WDR19: variants seen among roughly 807,000 people sequenced by gnomAD.
The protein encoded by WDR19 is WD repeat domain 19.
In WDR19, 121 loss-of-function variants were observed where a neutral mutation model predicts 180.0. The ratio of observed to expected loss-of-function variants is 0.67; its 90% CI spans 0.58 to 0.78. The LOEUF (loss-of-function observed/expected upper bound fraction) is 0.78. Ranked by LOEUF, WDR19 falls within the 30% of genes least tolerant of loss-of-function variation. The probability of loss-of-function intolerance (pLI) is 0.00; values close to 1 mark genes in which losing one functional copy is unlikely to be tolerated. For missense variants in WDR19, 1,450 were observed against 1,640.7 expected (o/e 0.88, Z 2.01); for synonymous variants, 497 against 540.7 (o/e 0.92, Z 1.12).
intron 5 of WDR19, among the ~76,000 whole-genome samples, chr4:39,197,705 C>T (rs1194554754): frequency 6.6e-6 from 1 of 152,084 alleles, no homozygotes; most frequent in Admixed American, 6.6e-5. Context: ...AATGAAAAAG[C>T]TTCCCAATAG....
chr4:39,209,030 A>G (rs1728234159), intron 9 of WDR19, among the ~76,000 whole-genome samples: 1 of 152,172 alleles, frequency 6.6e-6, no homozygotes, highest in African/African-American at 2.4e-5. Context: ...AACCTAATAG[A>G]ACACTGCACC....
At chr4:39,247,467 C>T (rs1732653297) in intron 24 of WDR19, among the ~76,000 whole-genome samples, 1 of 152,176 alleles carries the variant, frequency 6.6e-6, no homozygotes, top group Admixed American at 6.5e-5. Flanking sequence ...TCCAAAGGAA[C>T]GCAGCTCCTC....
Position 39,257,492 on chromosome 4 carries a change from A to T in WDR19, c.3121A>T (p.Lys1041Ter). Residue 1041 changes from lysine to a stop codon, truncating the protein, a stop_gained, in exon 28 of 37, where the codon AAA becomes TAA. Coordinates refer to ENST00000399820, the MANE Select transcript of WDR19 (RefSeq NM_025132.4). LOFTEE classifies it high-confidence loss of function. ...LLCGQYSRAL[K>*]HFLKCPSSED... ...GCTGTAATTCGCTTTTCAGGCACTT[A>T]AACACTTCCTGAAATGCCCAAGCTC... 6.3e-7 allele frequency: 1 copy of T among 1,581,568 alleles called. No individual in the cohort carries two copies. The highest frequency in any genetic ancestry group is 8.6e-7 in the Non-Finnish European group (1 of 1,162,532).
At chr4:39,265,412 G>A (rs188063689) in intron 28 of WDR19, among the ~76,000 whole-genome samples, 78 of 152,116 alleles carry the variant, frequency 5.1e-4, no homozygotes, top group Non-Finnish European at 9.0e-4. Context: ...GAATGATACC[G>A]TTGTGTCAGT....
chr4:39,211,372 CAGATT>C (rs1392019916), intron 9 of WDR19, among the ~76,000 whole-genome samples: 2 of 152,128 alleles, frequency 1.3e-5, no homozygotes, highest in Admixed American at 1.3e-4. Flanking sequence ...ACACGGCACT[CAGATT>C]AGAAAGGAAG....
chr4:39,209,672 A>G (rs1328436659), intron 9 of WDR19, among the ~76,000 whole-genome samples: 1 of 145,734 alleles, frequency 6.9e-6, no homozygotes, highest in East Asian at 2.1e-4. Flanking sequence ...AGTTCGCACC[A>G]TTGCACTCCA....
intron 33 of WDR19, chr4:39,275,362 G>A (rs1298316520): frequency 7.3e-6 from 2 of 272,912 alleles, no homozygotes; most frequent in African/African-American, 2.2e-5. Context: ...AAAAAGATGG[G>A]CATATCAATT....
At chr4:39,284,358 A>G (rs1215358518) in intron 36 of WDR19, among the ~76,000 whole-genome samples, 2 of 53,488 alleles carry the variant, frequency 3.7e-5, no homozygotes, top group Admixed American at 2.7e-4. Flanking sequence ...TTTTTTTTTG[A>G]GACAGGATCT....
At chr4:39,284,287 C>G (rs1278145981) in intron 36 of WDR19, among the ~76,000 whole-genome samples, 2 of 145,582 alleles carry the variant, frequency 1.4e-5, no homozygotes, top group East Asian at 4.0e-4. Context: ...TAGTTTTGAT[C>G]TATATTCTAG....
intron 36 of WDR19, among the ~76,000 whole-genome samples, chr4:39,279,945 C>A (rs1400304998): frequency 1.3e-5 from 2 of 151,948 alleles, no homozygotes; most frequent in Admixed American, 1.3e-4. Flanking sequence ...TCATGCGATT[C>A]GCCGGCCTCA....
In WDR19 at chr4:39,231,915, A is replaced by G; in HGVS notation, c.2101A>G (p.Ile701Val). 1 of 1,613,742 alleles carries G rather than the reference A, an allele frequency of 6.2e-7. No individual in the cohort carries two copies. Among genetic ancestry groups the G allele is most frequent in the Non-Finnish European group, 8.5e-7 (1 of 1,179,620 alleles). ...VEFAIRVYRR[I>V]GNVGIVMSLE... The stretch of plus-strand genomic sequence containing the variant: ...GTTTGCAATCCGTGTTTATCGGAGA[A>G]TTGGAAATGTTGGCATAGTGATGTC... The change falls in exon 18 of 37, where the codon ATT becomes GTT. Residue 701 changes from isoleucine to valine, a missense_variant. Ile to Val is a conservative substitution (Grantham distance 29). Transcript: ENST00000399820.
At chr4:39,279,917 G>A (rs902225212) in intron 36 of WDR19, among the ~76,000 whole-genome samples, 1 of 151,890 alleles carries the variant, frequency 6.6e-6, no homozygotes, top group Non-Finnish European at 1.5e-5. Flanking sequence ...TGGCCAGGCT[G>A]GTTTCCAACT....
In WDR19 at chr4:39,274,901, C is replaced by T. The variant is rs1735748675; in HGVS notation, c.3659C>T (p.Pro1220Leu). The T allele has an allele frequency of 2.5e-6, 4 of 1,614,006 alleles. No homozygotes were observed. Among genetic ancestry groups the T allele is most frequent in the Non-Finnish European group, 2.5e-6 (3 of 1,179,902 alleles). ...AGCTTCGCAGCTATGTTGATGAGGC[C>T]TGAATACCGCAGCAAAATAGATGCC... ...AFSFAAMLMRPEYRSKIDAKY... is the reference protein window; with the variant it reads ...AFSFAAMLMRLEYRSKIDAKY... The change falls in exon 33 of 37, where the codon CCT (proline) becomes CTT (leucine). Residue 1220 changes from proline to leucine, a missense_variant. Coordinates refer to ENST00000399820, the MANE Select transcript of WDR19 (RefSeq NM_025132.4).
At chr4:39,236,591 C>T (rs752097117) in intron 20 of WDR19, among the ~76,000 whole-genome samples, 31 of 152,270 alleles carry the variant, frequency 2.0e-4, no homozygotes, top group Admixed American at 5.2e-4. Flanking sequence ...CCTCCACTTG[C>T]ACCTCACAAA....
intron 31 of WDR19, 118 bp from the exon 32 acceptor site, chr4:39,272,862 A>G (rs2109507418): frequency 2.5e-6 from 2 of 799,600 alleles, no homozygotes; most frequent in East Asian, 2.9e-5. Context: ...AGGAAAGTCT[A>G]CAAGGATCCC....
intron 36 of WDR19, among the ~76,000 whole-genome samples, chr4:39,281,228 T>TAG (rs1437561762): frequency 6.4e-4 from 63 of 98,780 alleles, no homozygotes; most frequent in Non-Finnish European, 9.1e-4. Flanking sequence ...TATATATATA[T>TAG]ATATATATAG....
intron 4 of WDR19, among the ~76,000 whole-genome samples, chr4:39,191,198 A>G (rs976223849): frequency 6.6e-6 from 1 of 152,254 alleles, no homozygotes; most frequent in Non-Finnish European, 1.5e-5. Flanking sequence ...TTGTATATAC[A>G]AAAGCATACC....
intron 28 of WDR19, 51 bp downstream of exon 28, chr4:39,257,605 T>A (rs1353563284): frequency 2.2e-5 from 34 of 1,520,566 alleles, no homozygotes; most frequent in Non-Finnish European, 2.8e-5. Flanking sequence ...TTTAAAAAAC[T>A]TCTTGAAAAA....
At chr4:39,239,655 G>A (rs1049221217) in intron 20 of WDR19, among the ~76,000 whole-genome samples, 4 of 152,036 alleles carry the variant, frequency 2.6e-5, no homozygotes, top group East Asian at 3.8e-4. Context: ...CATCCTGCAC[G>A]TGTACCCCCG....
Sources: gnomAD v4.1 joint callset for allele counts (sites outside exome capture counted in the v4.1 genomes callset) on GRCh38, gnomAD v4.1.1 for gene constraint, MANE v1.5 for transcripts, NCBI Gene and HGNC (gene_info 2026-07-23, HGNC 2026-07-21) for gene names.